The following CACNA2D3 variants were observed in gnomAD, a reference collection of about 807,000 sequenced individuals.
CACNA2D3 encodes voltage-dependent calcium channel subunit alpha-2/delta-3.
In CACNA2D3, 60 loss-of-function variants were observed where a neutral mutation model predicts 160.6. The ratio of observed to expected loss-of-function variants is 0.37; its 90% CI spans 0.30 to 0.46. CACNA2D3 has a LOEUF of 0.46. CACNA2D3 is among the 20% of genes least tolerant of loss of function. The pLI is 1.00. For missense variants in CACNA2D3, 1,205 were observed against 1,365.0 expected, an observed-to-expected ratio of 0.88 and a Z score of 1.85; for synonymous variants, 558 against 492.9, an observed-to-expected ratio of 1.13 and a Z score of -1.75.
intron 5 of CACNA2D3, among the ~76,000 whole-genome samples, chr3:54,518,891 G>T (rs565056745): frequency 6.6e-6 from 1 of 152,274 alleles, no homozygotes; most frequent in East Asian, 1.9e-4. Context: ...TAGAATATTT[G>T]AAAATGACAT....
chr3:54,310,923 A>G (rs769515589), intron 2 of CACNA2D3, among the ~76,000 whole-genome samples: 3 of 152,172 alleles, frequency 2.0e-5, no homozygotes, highest in Non-Finnish European at 4.4e-5. Context: ...CGTGGCTAGT[A>G]CATGGTAACA....
chr3:54,775,049 A>G (rs1408774045), intron 13 of CACNA2D3, among the ~76,000 whole-genome samples: 1 of 152,190 alleles, frequency 6.6e-6, no homozygotes, highest in Non-Finnish European at 1.5e-5. Context: ...CATTACATTT[A>G]TAAACCTTAA....
intron 2 of CACNA2D3, among the ~76,000 whole-genome samples, chr3:54,211,682 T>C (rs1362876201): frequency 1.3e-5 from 2 of 152,222 alleles, no homozygotes; most frequent in African/African-American, 4.8e-5. Flanking sequence ...TTGCTGTCCT[T>C]AGTCGACAAG....
chr3:54,225,101 CA>C (rs993865639), intron 2 of CACNA2D3, among the ~76,000 whole-genome samples: 1 of 151,956 alleles, frequency 6.6e-6, no homozygotes, highest in Non-Finnish European at 1.5e-5. Context: ...TATCCCTCCC[CA>C]CTCCACCCAC....
chr3:55,006,377 C>A (rs1290520719), intron 32 of CACNA2D3, among the ~76,000 whole-genome samples: 1 of 152,168 alleles, frequency 6.6e-6, no homozygotes, highest in Admixed American at 6.5e-5. Flanking sequence ...CTTCCTTAAT[C>A]CTTTTATTCA....
At chr3:55,038,608 A>G (rs1385628584) in intron 35 of CACNA2D3, among the ~76,000 whole-genome samples, 1 of 152,032 alleles carries the variant, frequency 6.6e-6, no homozygotes, top group Admixed American at 6.6e-5. Flanking sequence ...GAAAGTTAGA[A>G]TTCATGTTAG....
chr3:54,446,372 C>T (rs1013438616), intron 4 of CACNA2D3, among the ~76,000 whole-genome samples: 1 of 152,100 alleles, frequency 6.6e-6, no homozygotes, highest in African/African-American at 2.4e-5. Context: ...CTACTGAAAC[C>T]TCCCAAGGGA....
intron 17 of CACNA2D3, among the ~76,000 whole-genome samples, chr3:54,871,147 A>G (rs1296166596): frequency 1.4e-5 from 2 of 148,062 alleles, no homozygotes; most frequent in Non-Finnish European, 3.0e-5. Context: ...GATTTACAGA[A>G]TTTACATTGT....
intron 11 of CACNA2D3, among the ~76,000 whole-genome samples, chr3:54,708,499 G>A (rs1700895071): frequency 6.6e-6 from 1 of 152,184 alleles, no homozygotes; most frequent in Non-Finnish European, 1.5e-5. Context: ...TGGAGACCTT[G>A]TGATTACTGC....
chr3:54,897,562 T>C (rs1048292435), intron 26 of CACNA2D3, among the ~76,000 whole-genome samples: 1 of 152,314 alleles, frequency 6.6e-6, no homozygotes, highest in African/African-American at 2.4e-5. Context: ...ATACTGCTTA[T>C]TGCAGAAACT....
At chr3:54,684,385 G>A (rs1700411549) in intron 11 of CACNA2D3, among the ~76,000 whole-genome samples, 2 of 152,096 alleles carry the variant, frequency 1.3e-5, no homozygotes, top group Admixed American at 1.3e-4. Context: ...ACAGGTACTG[G>A]GGATTAGGAC....
intron 4 of CACNA2D3, among the ~76,000 whole-genome samples, chr3:54,450,518 A>G (rs1204171270): frequency 1.3e-5 from 2 of 151,994 alleles, no homozygotes; most frequent in Non-Finnish European, 2.9e-5. Context: ...GCCATAGGAG[A>G]GGATCCCTCA....
Position 54,764,322 on chromosome 3 carries a change from G to C in CACNA2D3, c.1351G>C (p.Val451Leu). 1 of 1,613,860 alleles carries C rather than the reference G, an allele frequency of 6.2e-7. No individual in the cohort carries two copies. The highest frequency in any genetic ancestry group is 8.5e-7 in the Non-Finnish European group (1 of 1,179,832). Residue 451 changes from valine to leucine, a missense_variant, in exon 13 of 38, where the codon GTG (valine) becomes CTG (leucine). Transcript: ENST00000474759. Reference protein sequence around the residue: ...PKVIDQEHDVVWTEAYIDSTL... With the variant: ...PKVIDQEHDVLWTEAYIDSTL... ...AGTCATCGACCAGGAGCATGATGTG[G>C]TGTGGACCGAAGCTTACATTGACAG...
At chr3:54,333,219 T>C in intron 3 of CACNA2D3, among the ~76,000 whole-genome samples, 1 of 152,036 alleles carries the variant, frequency 6.6e-6, no homozygotes, top group Middle Eastern at 3.2e-3. Flanking sequence ...CCTCACCACC[T>C]CCCAGGCCAG....
intron 11 of CACNA2D3, among the ~76,000 whole-genome samples, chr3:54,729,709 G>A (rs1450947584): frequency 1.3e-5 from 2 of 152,066 alleles, no homozygotes; most frequent in African/African-American, 4.8e-5. Flanking sequence ...TTAAAAATCA[G>A]TGTTTATGGG....
chr3:54,932,407 A>G (rs1411223795), intron 27 of CACNA2D3, among the ~76,000 whole-genome samples: 1 of 152,172 alleles, frequency 6.6e-6, no homozygotes, highest in African/African-American at 2.4e-5. Flanking sequence ...CCAAACTGAT[A>G]ATGCTGATTA....
chr3:54,478,822 C>T (rs1700885709), intron 4 of CACNA2D3, among the ~76,000 whole-genome samples: 1 of 150,162 alleles, frequency 6.7e-6, no homozygotes, highest in African/African-American at 2.4e-5. Context: ...TATGGCAGTG[C>T]TTATGTTCAG....
chr3:55,013,323 A>C (rs557956434), intron 34 of CACNA2D3, among the ~76,000 whole-genome samples: 1 of 152,370 alleles, frequency 6.6e-6, no homozygotes, highest in African/African-American at 2.4e-5. Context: ...GACGACAGCG[A>C]GAGCTGCAGC....
intron 27 of CACNA2D3, among the ~76,000 whole-genome samples, chr3:54,964,591 G>T (rs1019157808): frequency 6.6e-6 from 1 of 152,130 alleles, no homozygotes; most frequent in Non-Finnish European, 1.5e-5. Flanking sequence ...AGGTTATGTG[G>T]GGGCTGAAGG....
Sources: gnomAD v4.1 joint callset for allele counts (sites outside exome capture counted in the v4.1 genomes callset) on GRCh38, gnomAD v4.1.1 for gene constraint, MANE v1.5 for transcripts, NCBI Gene and HGNC (gene_info 2026-07-23, HGNC 2026-07-21) for gene names.